Variants in KATNAL2 observed in about 807,000 individuals in gnomAD.
KATNAL2 encodes the protein katanin catalytic subunit A1 like 2.
A neutral mutation model predicts 76.3 loss-of-function variants in KATNAL2; 52 were observed. That is an observed-to-expected ratio of 0.68 (90% CI 0.55 to 0.86). The LOEUF (loss-of-function observed/expected upper bound fraction) is 0.86, where lower values mean the gene tolerates loss of function less well. Ranked by LOEUF, KATNAL2 falls within the 40% of genes least tolerant of loss-of-function variation. The probability of loss-of-function intolerance (pLI) is 0.00; values close to 1 mark genes in which losing one functional copy is unlikely to be tolerated. For synonymous variants in KATNAL2, 243 were observed against 244.2 expected, an observed-to-expected ratio of 1.00 and a Z score of 0.05; for missense variants, 660 against 668.9, an observed-to-expected ratio of 0.99 and a Z score of 0.15.
chr18:46,942,446 C>G (rs1039260129), intron 1 of KATNAL2, among the ~76,000 whole-genome samples: 2 of 152,104 alleles, frequency 1.3e-5, no homozygotes, highest in African/African-American at 2.4e-5. Context: ...GAAACCCTGT[C>G]TCTACTAAAA....
chr18:47,063,155 C>G (rs1002799665), intron 9 of KATNAL2, 85 bp downstream of exon 9: 3 of 1,463,066 alleles, frequency 2.1e-6, no homozygotes, highest in Non-Finnish European at 2.9e-6. Flanking sequence ...TACAGTGAAA[C>G]CTTGAGATCA....
At chr18:46,958,006 C>T (rs2059817049) in intron 3 of KATNAL2, among the ~76,000 whole-genome samples, 2 of 152,144 alleles carry the variant, frequency 1.3e-5, no homozygotes, top group South Asian at 2.1e-4. Context: ...AGATTGCCCT[C>T]TTTAATGTGG....
chr18:47,031,950 A>C (rs996715684), intron 3 of KATNAL2, among the ~76,000 whole-genome samples: 3 of 152,210 alleles, frequency 2.0e-5, no homozygotes, highest in African/African-American at 7.2e-5. Context: ...TGTGAGGCCA[A>C]CAAATGCCCT....
intron 1 of KATNAL2, among the ~76,000 whole-genome samples, chr18:46,939,348 A>AG (rs1568993073): frequency 2.0e-5 from 3 of 152,036 alleles, no homozygotes; most frequent in Non-Finnish European, 4.4e-5. Flanking sequence ...TAAAAAAAAA[A>AG]AAAAGAAAAG....
At chr18:46,967,928 A>C (rs1200193781) in intron 3 of KATNAL2, among the ~76,000 whole-genome samples, 46 of 118,834 alleles carry the variant, frequency 3.9e-4, no homozygotes, top group African/African-American at 1.4e-3. Context: ...TTCTTCAGAT[A>C]AACAGCAGGT....
chr18:47,043,221 C>G (rs1247485203), intron 3 of KATNAL2, among the ~76,000 whole-genome samples: 108 of 40,100 alleles, frequency 2.7e-3, no homozygotes, highest in Non-Finnish European at 1.7e-3. Flanking sequence ...AGCGAGACTC[C>G]GTTTCAAAAA....
At chr18:46,935,515 C>T (rs1344548209) in intron 1 of KATNAL2, among the ~76,000 whole-genome samples, 1 of 152,168 alleles carries the variant, frequency 6.6e-6, no homozygotes, top group African/African-American at 2.4e-5. Flanking sequence ...ACTCGAACTC[C>T]TGAGCTCAAG....
Position 47,077,373 on chromosome 18 carries a change from CG to C in KATNAL2, c.1125del (p.Met376Ter). ...TAGGGGAGAACATGAAGGAAGCCTGCGGATGAAGACAGAGTTACTGGTGCAG... is the reference window on the plus strand; with the variant it reads ...TAGGGGAGAACATGAAGGAAGCCTGCGATGAAGACAGAGTTACTGGTGCAG... ...ASGGEHEGSL[R>X]MKTELLVQMD... is the part of the protein sequence containing the mutation. On this transcript the variant is annotated frameshift_variant, in exon 15 of 18. Transcript: ENST00000683218. LOFTEE classifies it high-confidence loss of function. 6.2e-7 allele frequency: 1 copy of C among 1,613,348 alleles called. No homozygotes were observed. Among genetic ancestry groups the C allele is most frequent in the South Asian group, 1.1e-5 (1 of 91,046 alleles).
intron 3 of KATNAL2, among the ~76,000 whole-genome samples, chr18:46,952,067 T>A (rs1443629811): frequency 6.6e-6 from 1 of 151,894 alleles, no homozygotes; most frequent in Non-Finnish European, 1.5e-5. Flanking sequence ...GCCACCATGC[T>A]AGGCCCCAGT....
At chr18:47,063,610 C>A (rs1054705624) in intron 10 of KATNAL2, among the ~76,000 whole-genome samples, 1 of 152,074 alleles carries the variant, frequency 6.6e-6, no homozygotes, top group Non-Finnish European at 1.5e-5. Context: ...GAGAAAAAGA[C>A]TTAGGAATGA....
intron 3 of KATNAL2, among the ~76,000 whole-genome samples, chr18:46,959,236 A>G (rs2059858109): frequency 6.6e-6 from 1 of 152,242 alleles, no homozygotes; most frequent in Non-Finnish European, 1.5e-5. Context: ...CCATAAAGCT[A>G]AGCTGAATTT....
intron 3 of KATNAL2, among the ~76,000 whole-genome samples, chr18:46,962,132 T>G (rs4890342): frequency 0.55 from 77,798 of 142,086 alleles, 22,229 homozygotes; most frequent in African/African-American, 0.61. Flanking sequence ...TCTAAGAAGC[T>G]GGGACCACAG....
chr18:46,955,534 C>T (rs565141643), intron 3 of KATNAL2, among the ~76,000 whole-genome samples: 2 of 151,020 alleles, frequency 1.3e-5, no homozygotes, highest in Admixed American at 6.6e-5. Context: ...TCCTTCCTTC[C>T]TTCCTTCTTT....
Position 47,039,549 on chromosome 18 carries a change from T to C in KATNAL2, c.52-6908T>C, listed in dbSNP as rs116833698. On this transcript the variant is annotated intron_variant, in intron 3 of 17. Transcript: ENST00000683218. The stretch of plus-strand genomic sequence containing the variant: ...TAATGAGGGTCTTCCTCTGGGTATA[T>C]GCATGTCTGTGCACACATGGAGTAT... Among the ~76,000 whole-genome samples, 617 of 152,330 alleles carry C rather than the reference T, an allele frequency of 4.1e-3. 2 individuals carry two copies. Among genetic ancestry groups the C allele is most frequent in the African/African-American group, 0.014 (584 of 41,564 alleles).
chr18:47,065,070 G>C (rs1192356692), intron 10 of KATNAL2, among the ~76,000 whole-genome samples: 1 of 152,170 alleles, frequency 6.6e-6, no homozygotes, highest in Non-Finnish European at 1.5e-5. Flanking sequence ...GTAGATCCAG[G>C]CTCTATAGAC....
At chr18:47,042,479 T>C (rs888100942) in intron 3 of KATNAL2, among the ~76,000 whole-genome samples, 1 of 152,200 alleles carries the variant, frequency 6.6e-6, no homozygotes, top group South Asian at 2.1e-4. Context: ...ACCTGCCTAC[T>C]TACATTGCAA....
At chr18:46,932,033 C>T (rs1027774105) in intron 1 of KATNAL2, among the ~76,000 whole-genome samples, 6 of 151,830 alleles carry the variant, frequency 4.0e-5, no homozygotes, top group African/African-American at 1.5e-4. Flanking sequence ...ACCTCAGCCT[C>T]CCAAGTAGCT....
intron 1 of KATNAL2, among the ~76,000 whole-genome samples, chr18:46,931,257 T>G (rs1264132265): frequency 6.9e-6 from 1 of 145,086 alleles, no homozygotes; most frequent in Admixed American, 6.8e-5. Flanking sequence ...CTGAGATCGC[T>G]CCACTGCACT....
intron 15 of KATNAL2, among the ~76,000 whole-genome samples, chr18:47,094,556 T>G (rs1442095506): frequency 1.3e-5 from 2 of 152,146 alleles, no homozygotes; most frequent in East Asian, 3.9e-4. Flanking sequence ...AGGGGTACAT[T>G]AACAAAACCC....
Sources: allele counts gnomAD v4.1 joint callset (sites outside exome capture counted in the v4.1 genomes callset), GRCh38; gene constraint gnomAD v4.1.1; transcripts MANE v1.5; gene names NCBI Gene and HGNC (gene_info 2026-07-23, HGNC 2026-07-21).